Variants in KLHL4 observed in about 807,000 individuals in gnomAD.
The protein encoded by KLHL4 is kelch-like protein 4.
KLHL4 carries 17 observed loss-of-function variants against 45.8 expected under a neutral mutation model. The ratio of observed to expected loss-of-function variants is 0.37; its 90% CI spans 0.25 to 0.56. KLHL4 has a LOEUF of 0.56. Ranked by LOEUF, KLHL4 falls within the 20% of genes least tolerant of loss-of-function variation. The pLI, the probability that KLHL4 is intolerant of heterozygous loss-of-function variation, is 0.79. For synonymous variants in KLHL4, 224 were observed against 189.9 expected (o/e 1.18, Z -1.47); for missense variants, 544 against 544.9 (o/e 1.00, Z 0.02).
intron 1 of KLHL4, among the ~76,000 whole-genome samples, chrX:87,523,487 G>A (rs1206591901): frequency 1.8e-5 from 2 of 111,429 alleles, no homozygotes; most frequent in African/African-American, 6.5e-5. Context: ...ATCTTGTAGT[G>A]CTAGAAAATA....
At chrX:87,585,358 A>G in intron 1 of KLHL4, among the ~76,000 whole-genome samples, 1 of 111,874 alleles carries the variant, frequency 8.9e-6, no homozygotes, top group African/African-American at 3.2e-5. Context: ...AACACTAACT[A>G]TGGTGTGTAA....
chrX:87,579,830 A>C (rs1015314744), intron 1 of KLHL4, among the ~76,000 whole-genome samples: 5 of 112,366 alleles, frequency 4.4e-5, no homozygotes, highest in Non-Finnish European at 7.5e-5. Flanking sequence ...AAAAATGCTA[A>C]AAGAGTTATT....
intron 9 of KLHL4, among the ~76,000 whole-genome samples, chrX:87,652,374 A>G (rs1602465999): frequency 8.9e-6 from 1 of 112,372 alleles, no homozygotes; most frequent in Non-Finnish European, 1.9e-5. Flanking sequence ...TTTCTATCAC[A>G]TTGTCAGGCT....
intron 9 of KLHL4, among the ~76,000 whole-genome samples, chrX:87,660,766 C>T (rs1392139194): frequency 3.6e-5 from 4 of 112,546 alleles, no homozygotes; most frequent in Non-Finnish European, 5.6e-5. Flanking sequence ...ATCATTTGAG[C>T]TTGGGAGGCG....
At chrX:87,600,194 G>C (rs1044818772) in intron 1 of KLHL4, among the ~76,000 whole-genome samples, 2 of 111,116 alleles carry the variant, frequency 1.8e-5, no homozygotes, top group South Asian at 3.8e-4. Context: ...TCATTTAAAA[G>C]TGTGTAGCAC....
chrX:87,537,741 G>T (rs775421321), intron 1 of KLHL4, among the ~76,000 whole-genome samples: 10 of 111,033 alleles, frequency 9.0e-5, no homozygotes, highest in African/African-American at 3.3e-4. Context: ...TGTGTCAGTA[G>T]CTGTAATCTC....
intron 9 of KLHL4, among the ~76,000 whole-genome samples, chrX:87,650,000 T>C (rs1221484891): frequency 2.7e-5 from 3 of 111,312 alleles, no homozygotes. Context: ...TTTGGGTCTC[T>C]TGAGATTCTA....
chrX:87,588,654 G>A (rs1921558602), intron 1 of KLHL4, among the ~76,000 whole-genome samples: 1 of 110,997 alleles, frequency 9.0e-6, no homozygotes. Context: ...AAAGCAACAT[G>A]GATTAAACAT....
At chrX:87,645,891 G>T (rs1255821925) in intron 9 of KLHL4, among the ~76,000 whole-genome samples, 2 of 110,734 alleles carry the variant, frequency 1.8e-5, no homozygotes, top group Non-Finnish European at 3.8e-5. Flanking sequence ...GGACTTTGGG[G>T]ACTGGGCAAG....
chrX:87,583,585 C>T (rs2147796208), intron 1 of KLHL4, among the ~76,000 whole-genome samples: 1 of 111,747 alleles, frequency 8.9e-6, no homozygotes, highest in East Asian at 2.9e-4. Flanking sequence ...CAGAAGGAAA[C>T]CCATTGCCTT....
At chrX:87,647,799 A>G (rs1169077672) in intron 9 of KLHL4, among the ~76,000 whole-genome samples, 2 of 111,221 alleles carry the variant, frequency 1.8e-5, no homozygotes, top group Non-Finnish European at 3.8e-5. Flanking sequence ...CTCAGAAATA[A>G]CCACTAAAGA....
intron 1 of KLHL4, among the ~76,000 whole-genome samples, chrX:87,542,030 T>C (rs930381709): frequency 8.9e-6 from 1 of 112,080 alleles, no homozygotes; most frequent in African/African-American, 3.2e-5. Flanking sequence ...GCTGTTGCCC[T>C]AGAAATCTGT....
chrX:87,536,981 G>T (rs764802036), intron 1 of KLHL4, among the ~76,000 whole-genome samples: 1 of 111,005 alleles, frequency 9.0e-6, no homozygotes, highest in East Asian at 2.8e-4. Context: ...TTTTCATATT[G>T]TATCACAAAC....
At chrX:87,553,276 G>T (rs1408687288) in intron 1 of KLHL4, among the ~76,000 whole-genome samples, 3 of 110,525 alleles carry the variant, frequency 2.7e-5, no homozygotes, top group Admixed American at 9.7e-5. Flanking sequence ...TGCAAATAAA[G>T]AAATAAGAAT....
At chrX:87,544,827 G>T (rs1931639384) in intron 1 of KLHL4, among the ~76,000 whole-genome samples, 1 of 111,554 alleles carries the variant, frequency 9.0e-6, no homozygotes, top group Non-Finnish European at 1.9e-5. Flanking sequence ...GCATTTCCAA[G>T]AAGGATGGCT....
intron 1 of KLHL4, among the ~76,000 whole-genome samples, chrX:87,567,361 G>A (rs1458640012): frequency 1.8e-5 from 2 of 111,666 alleles, no homozygotes; most frequent in African/African-American, 6.5e-5. Context: ...TACATTTCTG[G>A]TGAGTATATA....
chrX:87,629,389 G>A (rs1923031386), intron 6 of KLHL4, among the ~76,000 whole-genome samples: 1 of 111,067 alleles, frequency 9.0e-6, no homozygotes, highest in South Asian at 3.7e-4. Context: ...TGGACAAAGG[G>A]GCTGGAGAAG....
intron 1 of KLHL4, among the ~76,000 whole-genome samples, chrX:87,603,197 C>A (rs17325927): frequency 1.8e-5 from 2 of 111,566 alleles, no homozygotes; most frequent in African/African-American, 3.3e-5. Flanking sequence ...CATTTGCATG[C>A]GTTTTAACTG....
intron 9 of KLHL4, among the ~76,000 whole-genome samples, chrX:87,641,984 T>C (rs1342194069): frequency 9.8e-6 from 1 of 101,917 alleles, no homozygotes; most frequent in Non-Finnish European, 2.0e-5. Flanking sequence ...AAAGGGCATA[T>C]AATCTTGGGA....
Sources: allele counts gnomAD v4.1 joint callset (sites outside exome capture counted in the v4.1 genomes callset), GRCh38; gene constraint gnomAD v4.1.1; transcripts MANE v1.5; gene names NCBI Gene and HGNC (gene_info 2026-07-23, HGNC 2026-07-21).